The following KCNMA1 variants were observed in gnomAD, a reference collection of about 807,000 sequenced individuals.
KCNMA1 encodes Calcium-activated potassium channel subunit alpha-1.
A neutral mutation model predicts 140.0 loss-of-function variants in KCNMA1; 29 were observed. That is an observed-to-expected ratio of 0.21 (90% confidence interval 0.15 to 0.28). The LOEUF is 0.28. Among genes scored for constraint, KCNMA1 ranks in the 10% least tolerant of loss-of-function variants. The pLI, the probability that KCNMA1 is intolerant of heterozygous loss-of-function variation, is 1.00. For missense variants in KCNMA1, 880 were observed against 1,602.2 expected, an observed-to-expected ratio of 0.55 and a Z score of 7.70; for synonymous variants, 612 against 611.9, an observed-to-expected ratio of 1.00 and a Z score of 0.00.
intron 2 of KCNMA1, among the ~76,000 whole-genome samples, chr10:77,320,547 C>T (rs551891588): frequency 6.6e-6 from 1 of 152,166 alleles, no homozygotes; most frequent in South Asian, 2.1e-4. Flanking sequence ...GGTGTGGGAG[C>T]CTGAGCAGGC....
intron 2 of KCNMA1, among the ~76,000 whole-genome samples, chr10:77,346,969 G>A (rs1205356989): frequency 6.6e-6 from 1 of 152,212 alleles, no homozygotes; most frequent in Non-Finnish European, 1.5e-5. Context: ...CTGCATGTGG[G>A]TCTAAAGAAG....
intron 3 of KCNMA1, among the ~76,000 whole-genome samples, chr10:77,226,493 C>T (rs1267382379): frequency 6.6e-6 from 1 of 151,858 alleles, no homozygotes; most frequent in Non-Finnish European, 1.5e-5. Flanking sequence ...CCTCCCACCC[C>T]TCAAGCATGA....
intron 1 of KCNMA1, among the ~76,000 whole-genome samples, chr10:77,466,155 C>T (rs1253185958): frequency 2.0e-5 from 3 of 152,154 alleles, no homozygotes; most frequent in Admixed American, 1.3e-4. Context: ...CCTGGCTGCC[C>T]TCACTCCTCG....
chr10:76,961,627 C>T (rs763475477), intron 20 of KCNMA1, among the ~76,000 whole-genome samples: 3 of 152,096 alleles, frequency 2.0e-5, no homozygotes, highest in South Asian at 4.1e-4. Flanking sequence ...AAGAGTCAGT[C>T]GATGCAGCAA....
chr10:77,008,076 C>T (rs1432892832), intron 18 of KCNMA1: 12 of 1,138,812 alleles, frequency 1.1e-5, no homozygotes, highest in Non-Finnish European at 1.5e-5. Flanking sequence ...AACATAAATA[C>T]CAAAAGTAAA....
Position 76,891,566 on chromosome 10 carries a change from C to T in KCNMA1, c.3301G>A (p.Ala1101Thr). The T allele has an allele frequency of 6.2e-7, 1 of 1,613,786 alleles. No individual in the cohort carries two copies. Among genetic ancestry groups the T allele is most frequent in the Non-Finnish European group, 8.5e-7 (1 of 1,180,004 alleles). Residue 1101 changes from alanine to threonine, a missense_variant, in exon 26 of 28, where the codon GCC (alanine) becomes ACC (threonine). This residue lies in a region of KCNMA1 where 31 missense variants were observed against 38.8 expected (regional missense o/e 0.80). Coordinates refer to ENST00000286628, the MANE Select transcript of KCNMA1 (RefSeq NM_001161352.2). ...GGCCCATCGAGCAGAGCTAACTGGG[C>T]CACGCGGCAGCGGTCCCTATTGGCC... ...TLANRDRCRV[A>T]QLALLDGPFA... is the part of the protein sequence containing the mutation.
At chr10:77,496,716 G>A (rs1248295632) in intron 1 of KCNMA1, among the ~76,000 whole-genome samples, 1 of 151,790 alleles carries the variant, frequency 6.6e-6, no homozygotes, top group Non-Finnish European at 1.5e-5. Context: ...TCACTGTGAG[G>A]GAGCTATGAA....
At chr10:77,083,720 G>A (rs1018771607) in intron 12 of KCNMA1, among the ~76,000 whole-genome samples, 3 of 151,592 alleles carry the variant, frequency 2.0e-5, no homozygotes, top group Non-Finnish European at 2.9e-5. Context: ...CTATAGCCTC[G>A]GCTACTTGGG....
intron 9 of KCNMA1, among the ~76,000 whole-genome samples, chr10:77,097,519 T>G (rs2096964522): frequency 6.6e-6 from 1 of 152,096 alleles, no homozygotes; most frequent in South Asian, 2.1e-4. Context: ...CAGAAAAAAG[T>G]TAACAGGTAG....
chr10:77,600,136 C>T (rs1245499163), intron 1 of KCNMA1, among the ~76,000 whole-genome samples: 1 of 152,214 alleles, frequency 6.6e-6, no homozygotes, highest in Non-Finnish European at 1.5e-5. Context: ...TTGGCACATG[C>T]TAAGATTCAC....
At chr10:77,611,860 G>A (rs867030427) in intron 1 of KCNMA1, among the ~76,000 whole-genome samples, 11 of 152,208 alleles carry the variant, frequency 7.2e-5, no homozygotes, top group Middle Eastern at 3.4e-3. Flanking sequence ...GGTACGCAGG[G>A]GACAGCACAT....
At chr10:77,480,034 G>C (rs1422578408) in intron 1 of KCNMA1, among the ~76,000 whole-genome samples, 1 of 152,196 alleles carries the variant, frequency 6.6e-6, no homozygotes, top group Non-Finnish European at 1.5e-5. Flanking sequence ...GGTTAAGGAG[G>C]AGAACCGTCT....
intron 5 of KCNMA1, among the ~76,000 whole-genome samples, chr10:77,164,913 T>G (rs923761570): frequency 2.0e-5 from 3 of 152,172 alleles, no homozygotes; most frequent in Non-Finnish European, 4.4e-5. Flanking sequence ...TCTTTCAGTT[T>G]CTTCCCATTT....
At chr10:77,519,762 A>G (rs1029295243) in intron 1 of KCNMA1, among the ~76,000 whole-genome samples, 14 of 152,226 alleles carry the variant, frequency 9.2e-5, no homozygotes, top group Non-Finnish European at 1.3e-4. Context: ...AACAGAAAAA[A>G]TTTTCAAAGG....
At chr10:77,500,033 C>A (rs1053756455) in intron 1 of KCNMA1, among the ~76,000 whole-genome samples, 3 of 151,718 alleles carry the variant, frequency 2.0e-5, no homozygotes, top group Non-Finnish European at 4.4e-5. Context: ...TAACCATTGG[C>A]AAAATATGGT....
intron 5 of KCNMA1, among the ~76,000 whole-genome samples, chr10:77,175,807 G>T (rs2098747402): frequency 6.6e-6 from 1 of 152,204 alleles, no homozygotes; most frequent in African/African-American, 2.4e-5. Context: ...GCCTAGTGGA[G>T]CTGGGGCAGG....
chr10:77,336,185 G>A (rs2088894680), intron 2 of KCNMA1, among the ~76,000 whole-genome samples: 1 of 152,130 alleles, frequency 6.6e-6, no homozygotes, highest in Non-Finnish European at 1.5e-5. Context: ...GCAGGGGAGG[G>A]TGCTGATATT....
At chr10:77,291,482 T>C (rs566134963) in intron 2 of KCNMA1, among the ~76,000 whole-genome samples, 66 of 152,184 alleles carry the variant, frequency 4.3e-4, no homozygotes, top group African/African-American at 1.4e-3. Context: ...TTAGGCAGAC[T>C]ACAATTTTTT....
rs113837673 is a variant in KCNMA1, at chr10:76,941,181, A to AAGGG, written c.2902+3588_2902+3591dup. Among the ~76,000 whole-genome samples, 31 of 106,542 alleles carry AAGGG rather than the reference A, an allele frequency of 2.9e-4. 1 individual carries two copies. Among genetic ancestry groups the AAGGG allele is most frequent in the Middle Eastern group, 4.4e-3 (1 of 226 alleles). 69.9% of individuals were successfully genotyped at this position (106,542 alleles called of 152,430 possible). ...AGGGAAGGGAAGGAAGGAAGGAAGG[A>AAGGG]AGGGAGGGAGGGAGGGAAGGAGGGA... On this transcript the variant is annotated intron_variant, in intron 23 of 27. Coordinates refer to ENST00000286628, the MANE Select transcript of KCNMA1 (RefSeq NM_001161352.2).
Sources: allele counts gnomAD v4.1 joint callset (sites outside exome capture counted in the v4.1 genomes callset), GRCh38; gene constraint gnomAD v4.1.1; regional missense constraint gnomAD v4.1.1; transcripts MANE v1.5; gene names NCBI Gene and HGNC (gene_info 2026-07-23, HGNC 2026-07-21).